Variants in LRRC4C observed in about 807,000 individuals in gnomAD.
LRRC4C encodes the protein leucine rich repeat containing 4C.
LRRC4C carries 5 observed loss-of-function variants against 33.6 expected under a neutral mutation model. The ratio of observed to expected loss-of-function variants is 0.15; its 90% CI spans 0.08 to 0.31. The LOEUF is 0.31. Among genes scored for constraint, LRRC4C ranks in the 10% least tolerant of loss-of-function variants. The probability of loss-of-function intolerance (pLI) is 1.00; values close to 1 mark genes in which losing one functional copy is unlikely to be tolerated. For synonymous variants in LRRC4C, 329 were observed against 302.0 expected (o/e 1.09, Z -0.93); for missense variants, 560 against 796.7 (o/e 0.70, Z 3.58).
chr11:41,029,253 T>C (rs183188583), intron 1 of LRRC4C, among the ~76,000 whole-genome samples: 7 of 151,852 alleles, frequency 4.6e-5, no homozygotes, highest in African/African-American at 1.7e-4. Context: ...TCAAAGACTT[T>C]TAAGGTGTGT....
chr11:40,663,381 A>G (rs560201519), intron 2 of LRRC4C, among the ~76,000 whole-genome samples: 1 of 152,128 alleles, frequency 6.6e-6, no homozygotes, highest in Admixed American at 6.6e-5. Flanking sequence ...GCACCCAGCC[A>G]ATTTATTTAG....
At chr11:40,268,404 T>C (rs1942444708) in intron 4 of LRRC4C, among the ~76,000 whole-genome samples, 1 of 152,124 alleles carries the variant, frequency 6.6e-6, no homozygotes, top group Non-Finnish European at 1.5e-5. Flanking sequence ...AAACAAAATC[T>C]CTTGGGACTT....
intron 1 of LRRC4C, among the ~76,000 whole-genome samples, chr11:41,101,517 A>G (rs1941182665): frequency 6.6e-6 from 1 of 152,152 alleles, no homozygotes; most frequent in South Asian, 2.1e-4. Flanking sequence ...GTGAGGTTGC[A>G]GAGAAAAGGG....
intron 1 of LRRC4C, among the ~76,000 whole-genome samples, chr11:41,192,538 G>T (rs576730352): frequency 6.6e-6 from 1 of 151,836 alleles, no homozygotes; most frequent in Non-Finnish European, 1.5e-5. Flanking sequence ...GTATCACCTG[G>T]TTATTACCAA....
intron 3 of LRRC4C, among the ~76,000 whole-genome samples, chr11:40,462,188 A>G (rs1470928737): frequency 6.6e-6 from 1 of 152,108 alleles, no homozygotes; most frequent in East Asian, 1.9e-4. Flanking sequence ...TTGATGTTAT[A>G]AATAGAGGAT....
chr11:40,985,386 A>G (rs1852926402), intron 1 of LRRC4C, among the ~76,000 whole-genome samples: 1 of 152,090 alleles, frequency 6.6e-6, no homozygotes, highest in African/African-American at 2.4e-5. Flanking sequence ...AAAGTACCTT[A>G]TCATAACTAT....
At chr11:40,908,669 C>G (rs1234028009) in intron 2 of LRRC4C, among the ~76,000 whole-genome samples, 1 of 152,138 alleles carries the variant, frequency 6.6e-6, no homozygotes, top group Non-Finnish European at 1.5e-5. Flanking sequence ...CTTGCCCTAT[C>G]CAACTTGTTG....
At chr11:40,386,042 A>C (rs1949099038) in intron 3 of LRRC4C, among the ~76,000 whole-genome samples, 1 of 150,426 alleles carries the variant, frequency 6.6e-6, no homozygotes, top group Admixed American at 6.6e-5. Flanking sequence ...ATGAAACGAA[A>C]ATAAAAGTTG....
At chr11:41,344,804 C>T (rs1424889424) in intron 1 of LRRC4C, among the ~76,000 whole-genome samples, 1 of 152,064 alleles carries the variant, frequency 6.6e-6, no homozygotes, top group East Asian at 1.9e-4. Context: ...GCTATTTAAT[C>T]CAAAATGGGT....
chr11:41,236,548 C>T (rs1343706905), intron 1 of LRRC4C, among the ~76,000 whole-genome samples: 3 of 150,994 alleles, frequency 2.0e-5, no homozygotes, highest in East Asian at 1.9e-4. Flanking sequence ...CTATATACAG[C>T]GAAATGTATT....
intron 1 of LRRC4C, among the ~76,000 whole-genome samples, chr11:41,238,658 T>C (rs1948120686): frequency 6.6e-6 from 1 of 152,172 alleles, no homozygotes; most frequent in Non-Finnish European, 1.5e-5. Flanking sequence ...TGGGATAGAA[T>C]ATAGACATGA....
chr11:41,354,812 G>T (rs1952102234), intron 1 of LRRC4C, among the ~76,000 whole-genome samples: 1 of 152,014 alleles, frequency 6.6e-6, no homozygotes, highest in Middle Eastern at 3.2e-3. Flanking sequence ...GCAGAAGTTT[G>T]AAACTGTACT....
Position 40,469,799 on chromosome 11 carries a change from G to A in LRRC4C, c.-269-150078C>T, listed in dbSNP as rs576280272. 4.3e-4 allele frequency among the ~76,000 whole-genome samples: 65 copies of A among 152,214 alleles called. No individual in the cohort carries two copies. In the South Asian group the frequency reaches 0.012, roughly 28 times the overall value. On this transcript the variant is annotated intron_variant, in intron 3 of 6. Transcript: ENST00000528697. ...AACTGGGTGGAGCCCACCAGAGCTC[G>A]GCAAAGCTGCTGTAGCCAGACTGCC...
chr11:40,674,111 T>C (rs1944269571), intron 2 of LRRC4C, among the ~76,000 whole-genome samples: 1 of 152,202 alleles, frequency 6.6e-6, no homozygotes, highest in Admixed American at 6.5e-5. Flanking sequence ...TCCAATCCCA[T>C]TGGTGATCCC....
intron 2 of LRRC4C, among the ~76,000 whole-genome samples, chr11:40,736,643 GT>G (rs1242887030): frequency 1.3e-5 from 2 of 152,182 alleles, no homozygotes; most frequent in Admixed American, 1.3e-4. Context: ...GTGTAAAAGC[GT>G]TCCTACTTCT....
intron 1 of LRRC4C, among the ~76,000 whole-genome samples, chr11:41,326,859 C>A (rs11036358): frequency 0.14 from 20,969 of 152,218 alleles, 1,513 homozygotes; most frequent in Middle Eastern, 0.18. Context: ...ACCTATAACT[C>A]CCGATACTCT....
At chr11:40,907,979 T>G (rs1212044920) in intron 2 of LRRC4C, among the ~76,000 whole-genome samples, 1 of 152,150 alleles carries the variant, frequency 6.6e-6, no homozygotes, top group East Asian at 1.9e-4. Flanking sequence ...TGAAATTATA[T>G]CCACTGAAAT....
At chr11:40,780,028 C>T (rs976594721) in intron 2 of LRRC4C, among the ~76,000 whole-genome samples, 10 of 152,074 alleles carry the variant, frequency 6.6e-5, no homozygotes, top group South Asian at 2.1e-4. Flanking sequence ...CAGAATGGTT[C>T]GATTTCTTCA....
At chr11:40,513,120 G>C (rs1160818642) in intron 3 of LRRC4C, among the ~76,000 whole-genome samples, 1 of 151,614 alleles carries the variant, frequency 6.6e-6, no homozygotes, top group Admixed American at 6.6e-5. Context: ...GCGGTGGCAT[G>C]CGCCTGTAAT....
Sources: gnomAD v4.1 joint callset for allele counts (sites outside exome capture counted in the v4.1 genomes callset) on GRCh38, gnomAD v4.1.1 for gene constraint, MANE v1.5 for transcripts, NCBI Gene and HGNC (gene_info 2026-07-23, HGNC 2026-07-21) for gene names.